IL9: variants seen among roughly 807,000 people sequenced by gnomAD.
IL9 encodes interleukin-9.
In IL9, 16 loss-of-function variants were observed where a neutral mutation model predicts 12.9. That is an observed-to-expected ratio of 1.24 (90% confidence interval 0.84 to 1.88). IL9 has a LOEUF of 1.88. Among genes scored for constraint, IL9 ranks in the 40% most tolerant of loss-of-function variants. IL9 has a pLI of 0.00. For missense variants in IL9, 170 were observed against 173.1 expected, an observed-to-expected ratio of 0.98 and a Z score of 0.10; for synonymous variants, 69 against 63.8, an observed-to-expected ratio of 1.08 and a Z score of -0.39.
At chr5:135,893,649 A>G (rs75277614) in intron 4 of IL9, among the ~76,000 whole-genome samples, 5,744 of 152,268 alleles carry the variant, frequency 0.038, 154 homozygotes, top group Middle Eastern at 0.065. Context: ...ACAGGAAAAA[A>G]AAATCCCTGT....
At chr5:135,893,223 A>T (rs1762898872) in intron 4 of IL9, among the ~76,000 whole-genome samples, 1 of 152,148 alleles carries the variant, frequency 6.6e-6, no homozygotes, top group Non-Finnish European at 1.5e-5. Flanking sequence ...GCTGTCAGGG[A>T]CTAGGGTATA....
rs761861851 is a variant in IL9 at position 135,894,093 on chromosome 5, A to C, written c.242T>G (p.Met81Arg). 9 of 1,613,520 alleles carry C rather than the reference A, an allele frequency of 5.6e-6. No homozygotes were observed. The highest frequency in any genetic ancestry group is 1.6e-4 in the Middle Eastern group (1 of 6,082). ...GAAAATCAGTGGGTATCTTGTTTGC[A>C]TGGTGGTATTGGTCATCTGAGACAG... Reference protein sequence around the residue: ...ERLSQMTNTTMQTRYPLIFSR... With the variant: ...ERLSQMTNTTRQTRYPLIFSR... The change falls in exon 4 of 5, where the codon ATG (methionine) becomes AGG (arginine). Residue 81 changes from methionine (M) to arginine (R), a missense_variant. By Grantham distance (91) the Met-to-Arg change is moderately conservative. Transcript: ENST00000274520.
rs1762928820 is a variant in IL9, at chr5:135,895,551, T to A, written c.150+4A>T. On this transcript the variant is annotated splice_donor_region_variant and intron_variant, in intron 2 of 4. Transcript: ENST00000274520. ...TGGAAAGTTCTTAAAGAGCATTCAC[T>A]CACATTAGCACTGCAGTGGCACTTG... 6.2e-7 allele frequency: 1 copy of A among 1,613,808 alleles called. No individual in the cohort carries two copies. Among genetic ancestry groups the A allele is most frequent in the Non-Finnish European group, 8.5e-7 (1 of 1,179,786 alleles).
chr5:135,894,071 A>C lies in IL9; in HGVS notation c.264T>G (p.Ile88Met). ...CAACTGATTTTTTCACCCGACTGAA[A>C]ATCAGTGGGTATCTTGTTTGCATGG... ...NTTMQTRYPL[I>M]FSRVKKSVEV... is the part of the protein sequence containing the mutation. Residue 88 changes from isoleucine to methionine, a missense_variant, in exon 4 of 5, where the codon ATT (isoleucine) becomes ATG (methionine). Physicochemically the swap from Ile to Met is conservative, Grantham distance 10. Coordinates refer to ENST00000274520, the MANE Select transcript of IL9 (RefSeq NM_000590.2). The C allele has an allele frequency of 6.2e-7, 1 of 1,613,310 alleles. No individual in the cohort carries two copies. Among genetic ancestry groups the C allele is most frequent in the Non-Finnish European group, 8.5e-7 (1 of 1,179,712 alleles).
intron 3 of IL9, among the ~76,000 whole-genome samples, chr5:135,894,808 A>G (rs1255898815): frequency 6.6e-6 from 1 of 152,084 alleles, no homozygotes; most frequent in Non-Finnish European, 1.5e-5. Context: ...CTTTCCTGCC[A>G]CCCATCCTTC....
Position 135,892,587 on chromosome 5 carries a change from A to G in IL9, c.316-77T>C, listed in dbSNP as rs150714108. 1.7e-3 allele frequency: 2,605 copies of G among 1,495,032 alleles called. 90 individuals are homozygous for G. The East Asian group carries it at 0.056, about 32-fold the overall frequency. The allele number at this position is 1,495,032 out of a possible 1,614,324, so 92.6% of individuals were successfully genotyped here. On this transcript the variant is annotated intron_variant, in intron 4 of 4. Transcript: ENST00000274520. Reference sequence around the variant, plus strand: ...AAGCAGCCCCAGAAGCCTACCTGCCAAGAGCCAGAGTCGGTGGTGAGGATT... The same window carrying G: ...AAGCAGCCCCAGAAGCCTACCTGCCGAGAGCCAGAGTCGGTGGTGAGGATT...
At chr5:135,895,163 T>C (rs1013431494) in intron 3 of IL9, among the ~76,000 whole-genome samples, 2 of 152,174 alleles carry the variant, frequency 1.3e-5, no homozygotes, top group Non-Finnish European at 2.9e-5. Flanking sequence ...TAAAAAGATA[T>C]TCAGGATTCT....
rs1186365778 is a variant in IL9 at position 135,892,534 on chromosome 5, G to A, written c.316-24C>T. On this transcript the variant is annotated intron_variant, in intron 4 of 4. Coordinates refer to ENST00000274520, the MANE Select transcript of IL9 (RefSeq NM_000590.2). Reference sequence around the variant, plus strand: ...TACTGTGGGGATGAAAGTTGATAAGGACAGAGTGACTCAAATGATGTAGAG... The same window carrying A: ...TACTGTGGGGATGAAAGTTGATAAGAACAGAGTGACTCAAATGATGTAGAG... The A allele has an allele frequency of 2.5e-6, 4 of 1,598,318 alleles. 1 individual carries two copies. In the South Asian group the frequency reaches 3.4e-5, roughly 14 times the overall value.
chr5:135,893,382 C>T (rs1347378908), intron 4 of IL9, among the ~76,000 whole-genome samples: 2 of 152,142 alleles, frequency 1.3e-5, no homozygotes, highest in African/African-American at 4.8e-5. Context: ...GAGGTCAAGG[C>T]GGGCAAATCA....
At chr5:135,895,036 T>G (rs1762922034) in intron 3 of IL9, among the ~76,000 whole-genome samples, 1 of 152,224 alleles carries the variant, frequency 6.6e-6, no homozygotes, top group Non-Finnish European at 1.5e-5. Flanking sequence ...TTTATTTACA[T>G]TGTTTCACAA....
Position 135,895,732 on chromosome 5 carries a change from C to T in IL9, c.85G>A (p.Asp29Asn). 1 of 1,614,028 alleles carries T rather than the reference C, an allele frequency of 6.2e-7. No homozygotes were observed. The highest frequency in any genetic ancestry group is 1.1e-5 in the South Asian group (1 of 91,060). Residue 29 changes from aspartate to asparagine, a missense_variant, in exon 1 of 5, where the codon GAC becomes AAC. Physicochemically the swap from Asp to Asn is conservative, Grantham distance 23. Coordinates refer to ENST00000274520, the MANE Select transcript of IL9 (RefSeq NM_000590.2). ...QGCPTLAGIL[D>N]INFLINKMQE... is the part of the protein sequence containing the mutation. ...ATCTTGTTGATGAGGAAGTTGATGT[C>T]CAGGATCCCCGCCAAGGTTGGACAC... is the stretch of plus-strand genomic sequence containing the variant.
rs770053235 is a variant in IL9, at chr5:135,892,351, CT to C, written c.*39del. Reference sequence around the variant, plus strand: ...AAATTGTAGCAACTTAAAGAGAAAGCTTTTTAAATTTAATAAATAGGATAAA... The same window carrying C: ...AAATTGTAGCAACTTAAAGAGAAAGCTTTTAAATTTAATAAATAGGATAAA... On this transcript the variant is annotated 3_prime_UTR_variant, in exon 5 of 5. Transcript: ENST00000274520. 3 of 1,462,538 alleles carry C rather than the reference CT, an allele frequency of 2.1e-6. No individual in the cohort carries two copies. Among genetic ancestry groups the C allele is most frequent in the Admixed American group, 4.2e-5 (2 of 47,858 alleles). 90.6% of individuals were successfully genotyped at this position (1,462,538 alleles called of 1,614,324 possible). A position where few individuals can be genotyped will look rare whatever the true frequency, so the allele number is the denominator to read the frequency against.
chr5:135,894,600 G>C (rs1358964573), intron 3 of IL9, among the ~76,000 whole-genome samples: 1 of 152,204 alleles, frequency 6.6e-6, no homozygotes, highest in Non-Finnish European at 1.5e-5. Context: ...TGTCTGCCTG[G>C]TTCCTGCCCA....
chr5:135,893,536 C>T (rs1047454348), intron 4 of IL9, among the ~76,000 whole-genome samples: 8 of 152,164 alleles, frequency 5.3e-5, no homozygotes, highest in Middle Eastern at 3.4e-3. Context: ...CACTTGAACC[C>T]GGGAGGCAGA....
At chr5:135,892,661 C>T in intron 4 of IL9, 151 bp from the exon 5 acceptor site, 1 of 742,088 alleles carries the variant, frequency 1.3e-6, no homozygotes, top group Non-Finnish European at 2.1e-6. Context: ...AATAGGTGGG[C>T]AGGTCCAGGC....
At position 135,894,042 on chromosome 5, in the gene IL9, A is replaced by G. The variant is rs1379512602; in HGVS notation, c.293T>C (p.Val98Ala). The change falls in exon 4 of 5, where the codon GTA becomes GCA. Residue 98 changes from valine to alanine, a missense_variant. Physicochemically the swap from Val to Ala is moderately conservative, Grantham distance 64. Coordinates refer to ENST00000274520, the MANE Select transcript of IL9 (RefSeq NM_000590.2). ...TACTGGACACTTGTTGTTCTTTAGT[A>G]CTTCAACTGATTTTTTCACCCGACT... ...IFSRVKKSVE[V>A]LKNNKCPYFS... 1 of 1,612,922 alleles carries G rather than the reference A, an allele frequency of 6.2e-7. No individual in the cohort carries two copies. Among genetic ancestry groups the G allele is most frequent in the Non-Finnish European group, 8.5e-7 (1 of 1,179,778 alleles).
At position 135,895,484 on chromosome 5, in the gene IL9, A is replaced by C; in HGVS notation, c.151-12T>G. The C allele has an allele frequency of 6.2e-7, 1 of 1,614,002 alleles. No homozygotes were observed. Among genetic ancestry groups the C allele is most frequent in the Non-Finnish European group, 8.5e-7 (1 of 1,179,878 alleles). Reference sequence around the variant, plus strand: ...AGACAACTGGTCACCTGCAAGGGAAATTTCAGAGTGAAGATTCCAGATGTG... The same window carrying C: ...AGACAACTGGTCACCTGCAAGGGAACTTTCAGAGTGAAGATTCCAGATGTG... On this transcript the variant is annotated splice_polypyrimidine_tract_variant and intron_variant, in intron 2 of 4. Transcript: ENST00000274520.
chr5:135,895,371 AACTT>A, intron 3 of IL9, 65 bp downstream of exon 3: 1 of 1,272,448 alleles, frequency 7.9e-7, no homozygotes, highest in Non-Finnish European at 1.1e-6. Flanking sequence ...TAAATAAAGC[AACTT>A]ATTTTTACTT....
At chr5:135,894,874 T>A (rs1762920321) in intron 3 of IL9, among the ~76,000 whole-genome samples, 1 of 151,976 alleles carries the variant, frequency 6.6e-6, no homozygotes, top group Non-Finnish European at 1.5e-5. Context: ...CAACCTCAGA[T>A]CCTCTACCTG....
Sources: gnomAD v4.1 joint callset for allele counts (sites outside exome capture counted in the v4.1 genomes callset) on GRCh38, gnomAD v4.1.1 for gene constraint, MANE v1.5 for transcripts, NCBI Gene and HGNC (gene_info 2026-07-23, HGNC 2026-07-21) for gene names.